Variants in CAMK2D observed in about 807,000 individuals in gnomAD.
CAMK2D encodes the protein calcium/calmodulin dependent protein kinase II delta, also known as calcium/calmodulin-dependent protein kinase type II subunit delta.
In CAMK2D, 37 loss-of-function variants were observed where a neutral mutation model predicts 84.0. That is an observed-to-expected ratio of 0.44 (90% confidence interval 0.34 to 0.58). CAMK2D has a LOEUF of 0.58. CAMK2D is among the 20% of genes least tolerant of loss of function. The pLI, the probability that CAMK2D is intolerant of heterozygous loss-of-function variation, is 0.02. For missense variants in CAMK2D, 448 were observed against 652.5 expected, an observed-to-expected ratio of 0.69 and a Z score of 3.41; for synonymous variants, 202 against 212.5, an observed-to-expected ratio of 0.95 and a Z score of 0.43.
intron 4 of CAMK2D, among the ~76,000 whole-genome samples, chr4:113,570,478 C>T (rs2098747389): frequency 6.6e-6 from 1 of 151,992 alleles, no homozygotes; most frequent in African/African-American, 2.4e-5. Flanking sequence ...GAACTGAGAG[C>T]CTAGAAACAA....
At chr4:113,717,351 C>T (rs1171563533) in intron 2 of CAMK2D, among the ~76,000 whole-genome samples, 2 of 151,844 alleles carry the variant, frequency 1.3e-5, no homozygotes, top group Non-Finnish European at 2.9e-5. Flanking sequence ...CTTTGCTGGT[C>T]TCTACCCAAT....
At chr4:113,612,880 T>C (rs1052532602) in intron 3 of CAMK2D, among the ~76,000 whole-genome samples, 7 of 152,162 alleles carry the variant, frequency 4.6e-5, no homozygotes, top group African/African-American at 1.7e-4. Context: ...GCCTAATTCT[T>C]TTCCTTTCTC....
At chr4:113,637,175 A>T (rs2099113286) in intron 3 of CAMK2D, among the ~76,000 whole-genome samples, 1 of 152,214 alleles carries the variant, frequency 6.6e-6, no homozygotes, top group African/African-American at 2.4e-5. Context: ...AAGCAGTATA[A>T]GGGCAAAGAA....
At chr4:113,729,163 A>G (rs983075551) in intron 2 of CAMK2D, among the ~76,000 whole-genome samples, 2 of 152,206 alleles carry the variant, frequency 1.3e-5, no homozygotes, top group African/African-American at 4.8e-5. Flanking sequence ...TCTTTCCTGC[A>G]TTATTTCAAT....
intron 2 of CAMK2D, among the ~76,000 whole-genome samples, chr4:113,671,637 T>C (rs1194090192): frequency 1.3e-5 from 2 of 152,342 alleles, no homozygotes; most frequent in East Asian, 1.9e-4. Flanking sequence ...TTAGGTTTAA[T>C]AAAACATATT....
chr4:113,457,170 T>A, intron 19 of CAMK2D, 165 bp downstream of exon 19: 2 of 1,439,220 alleles, frequency 1.4e-6, no homozygotes, highest in Non-Finnish European at 1.8e-6. Context: ...ATCTGATTGA[T>A]CTTTCCAGAG....
rs368232045 is a variant in CAMK2D at position 113,595,874 on chromosome 4, G to T, written c.275+13278C>A. 8.5e-5 allele frequency among the ~76,000 whole-genome samples: 13 copies of T among 152,192 alleles called. No homozygotes were observed. The East Asian group carries it at 1.2e-3, about 14-fold the overall frequency. On this transcript the variant is annotated intron_variant, in intron 4 of 20. Transcript: ENST00000511664. ...ACTGATGGGGTGGTGGCTGCTGAAA[G>T]CTAGGGTGGCTGTCGTAGGTTCTTA...
intron 4 of CAMK2D, among the ~76,000 whole-genome samples, chr4:113,552,785 A>G (rs1260064507): frequency 1.3e-5 from 2 of 152,182 alleles, no homozygotes; most frequent in Non-Finnish European, 2.9e-5. Flanking sequence ...TTACAAGTAA[A>G]ATTACTGGGT....
chr4:113,649,808 G>A (rs189983305), intron 3 of CAMK2D, among the ~76,000 whole-genome samples: 9 of 152,304 alleles, frequency 5.9e-5, no homozygotes, highest in East Asian at 3.9e-4. Flanking sequence ...CTGGCCAGGC[G>A]TGGTGGCTCA....
chr4:113,529,607 T>C (rs1590787717), intron 8 of CAMK2D, among the ~76,000 whole-genome samples: 1 of 152,298 alleles, frequency 6.6e-6, no homozygotes, highest in Non-Finnish European at 1.5e-5. Context: ...CTTTCCTGTA[T>C]TCAAAATATA....
At chr4:113,735,289 GAAAAAAAAA>G (rs769117708) in intron 2 of CAMK2D, among the ~76,000 whole-genome samples, 691 of 44,674 alleles carry the variant, frequency 0.015, 24 homozygotes, top group East Asian at 0.14. Context: ...ATCTCTACAG[GAAAAAAAAA>G]AAAAAAAAAA....
At chr4:113,757,361 C>A (rs1313483709) in intron 2 of CAMK2D, among the ~76,000 whole-genome samples, 2 of 152,036 alleles carry the variant, frequency 1.3e-5, no homozygotes, top group East Asian at 3.8e-4. Flanking sequence ...AGGAAGGGTT[C>A]TGTTATTACT....
At chr4:113,537,576 C>G (rs1367297238) in intron 6 of CAMK2D, 133 bp from the exon 7 acceptor site, 1 of 619,546 alleles carries the variant, frequency 1.6e-6, no homozygotes, top group Admixed American at 2.8e-5. Context: ...ACTGCCATTC[C>G]TAAATCCCAG....
At position 113,547,632 on chromosome 4, in the gene CAMK2D, C is replaced by T. The variant is rs1360874046; in HGVS notation, c.414+12G>A. ...TGTGTGGTGGTTTATCTTCTTCAAC[C>T]GCATTACTCACCTTCAGGTCCCGAT... On this transcript the variant is annotated intron_variant, in intron 6 of 20. Transcript: ENST00000511664. 6 of 1,531,182 alleles carry T rather than the reference C, an allele frequency of 3.9e-6. No homozygotes were observed. Among genetic ancestry groups the T allele is most frequent in the African/African-American group, 2.7e-5 (2 of 73,532 alleles). 94.8% of individuals were successfully genotyped at this position (1,531,182 alleles called of 1,614,324 possible). A position where few individuals can be genotyped will look rare whatever the true frequency, so the allele number is the denominator to read the frequency against.
intron 4 of CAMK2D, among the ~76,000 whole-genome samples, chr4:113,584,144 C>T (rs1317065340): frequency 6.6e-6 from 1 of 152,072 alleles, no homozygotes; most frequent in Non-Finnish European, 1.5e-5. Context: ...AGAATGTGGG[C>T]CAAGAGTCAC....
chr4:113,646,277 T>C (rs373053465), intron 3 of CAMK2D, among the ~76,000 whole-genome samples: 3 of 152,236 alleles, frequency 2.0e-5, no homozygotes, highest in East Asian at 3.8e-4. Context: ...TTAACTCCTA[T>C]AGCATGTATT....
In CAMK2D at chr4:113,502,986, GAAC is replaced by G. The variant is rs1268638434; in HGVS notation, c.1045-12_1045-10del. 7 of 1,592,220 alleles carry G rather than the reference GAAC, an allele frequency of 4.4e-6. 1 individual carries two copies. The South Asian group carries it at 7.7e-5, about 18-fold the overall frequency. The stretch of plus-strand genomic sequence containing the variant: ...ACAGTAGTTTGGGGCTCCTGAGTGA[GAAC>G]AAAATAGAGAAAGAAACAGTTCGCA... On this transcript the variant is annotated splice_polypyrimidine_tract_variant and intron_variant, in intron 14 of 20. Transcript: ENST00000511664.
chr4:113,464,513 C>G (rs1047051351), intron 17 of CAMK2D, among the ~76,000 whole-genome samples: 1 of 152,200 alleles, frequency 6.6e-6, no homozygotes, highest in Non-Finnish European at 1.5e-5. Context: ...AGATCAGATT[C>G]AATCTCCGTT....
intron 7 of CAMK2D, among the ~76,000 whole-genome samples, chr4:113,535,391 T>C (rs1392426092): frequency 6.6e-6 from 1 of 152,184 alleles, no homozygotes; most frequent in African/African-American, 2.4e-5. Context: ...ATTTGAACGA[T>C]TGTTTTAGTC....
Sources: allele counts gnomAD v4.1 joint callset (sites outside exome capture counted in the v4.1 genomes callset), GRCh38; gene constraint gnomAD v4.1.1; transcripts MANE v1.5; gene names NCBI Gene and HGNC (gene_info 2026-07-23, HGNC 2026-07-21).